Variants in C2orf76 observed in about 807,000 individuals in gnomAD.
The protein encoded by C2orf76 is chromosome 2 open reading frame 76.
A neutral mutation model predicts 16.9 loss-of-function variants in C2orf76; 23 were observed. The observed-to-expected ratio is 1.36, with a 90% CI of 0.98 to 1.93. The LOEUF (loss-of-function observed/expected upper bound fraction) is 1.93. C2orf76 is among the 30% of genes most tolerant of loss of function. The pLI, the probability that C2orf76 is intolerant of heterozygous loss-of-function variation, is 0.00. For missense variants in C2orf76, 152 were observed against 152.6 expected (o/e 1.00, Z 0.02); for synonymous variants, 48 against 52.3 (o/e 0.92, Z 0.35).
chr2:119,353,584 G>A (rs1176463721), intron 1 of C2orf76, among the ~76,000 whole-genome samples: 3 of 133,810 alleles, frequency 2.2e-5, no homozygotes, highest in Admixed American at 8.3e-5. Context: ...TGAGAGTCTC[G>A]CTGGAGTCTT....
chr2:119,316,033 G>A (rs952556939), intron 4 of C2orf76, among the ~76,000 whole-genome samples: 3 of 152,238 alleles, frequency 2.0e-5, no homozygotes, highest in African/African-American at 7.2e-5. Flanking sequence ...AGCAATGAAT[G>A]GAGAATGGGG....
intron 1 of C2orf76, among the ~76,000 whole-genome samples, chr2:119,357,296 A>G (rs528893692): frequency 6.6e-6 from 1 of 152,320 alleles, no homozygotes; most frequent in South Asian, 2.1e-4. Context: ...GAATATAGAC[A>G]TGAAAATCCT....
intron 1 of C2orf76, among the ~76,000 whole-genome samples, chr2:119,363,934 T>C (rs57415372): frequency 0.29 from 43,865 of 151,672 alleles, 6,474 homozygotes; most frequent in African/African-American, 0.33. Flanking sequence ...GGGAGAATCA[T>C]CTGAGCCCAG....
intron 2 of C2orf76, among the ~76,000 whole-genome samples, chr2:119,323,471 G>A (rs148066445): frequency 1.1e-3 from 167 of 152,220 alleles, no homozygotes; most frequent in African/African-American, 3.9e-3. Flanking sequence ...TCATGACAGC[G>A]TGTGCTCCAG....
chr2:119,364,787 A>G (rs1680870748), intron 1 of C2orf76, among the ~76,000 whole-genome samples: 1 of 152,182 alleles, frequency 6.6e-6, no homozygotes, highest in African/African-American at 2.4e-5. Context: ...GAAAAGCAAT[A>G]TTCAATCAAG....
chr2:119,360,477 CAAAAA>C (rs770401400), intron 1 of C2orf76, among the ~76,000 whole-genome samples: 1 of 66,898 alleles, frequency 1.5e-5, no homozygotes, highest in Admixed American at 1.8e-4. Context: ...AACTCTGTCT[CAAAAA>C]AAAAAAAAAA....
intron 5 of C2orf76, among the ~76,000 whole-genome samples, chr2:119,309,267 C>G (rs1678899233): frequency 6.6e-6 from 1 of 151,956 alleles, no homozygotes; most frequent in South Asian, 2.1e-4. Flanking sequence ...AGTACTCATT[C>G]TCTCCTAATA....
intron 5 of C2orf76, among the ~76,000 whole-genome samples, chr2:119,307,569 G>C (rs780205380): frequency 2.6e-5 from 4 of 151,972 alleles, no homozygotes; most frequent in African/African-American, 9.7e-5. Context: ...CAAGAGCATA[G>C]CAACACCACT....
At chr2:119,286,010 G>A in the C2orf76 span, among the ~76,000 whole-genome samples, 14 of 152,094 alleles carry the variant, frequency 9.2e-5, no homozygotes, top group East Asian at 1.4e-3. Flanking sequence ...GGCGGATCAC[G>A]AGGTCAAGAG....
chr2:119,358,147 A>C (rs1680629228), intron 1 of C2orf76, among the ~76,000 whole-genome samples: 1 of 152,214 alleles, frequency 6.6e-6, no homozygotes, highest in South Asian at 2.1e-4. Context: ...AAAAGTTAGA[A>C]ATGATTAAGC....
the C2orf76 span, among the ~76,000 whole-genome samples, chr2:119,287,326 C>T: frequency 6.6e-6 from 1 of 152,206 alleles, no homozygotes; most frequent in South Asian, 2.1e-4. Context: ...ATGCAATATC[C>T]ACATAATGGA....
At chr2:119,308,239 T>A (rs1210283549) in intron 5 of C2orf76, among the ~76,000 whole-genome samples, 4 of 152,236 alleles carry the variant, frequency 2.6e-5, no homozygotes, top group Non-Finnish European at 4.4e-5. Flanking sequence ...GAATATCAAT[T>A]ACTGGCAATG....
At chr2:119,291,514 G>A in the C2orf76 span, among the ~76,000 whole-genome samples, 1 of 151,968 alleles carries the variant, frequency 6.6e-6, no homozygotes, top group Admixed American at 6.6e-5. Flanking sequence ...GGAAACATGT[G>A]ACAGGTAATG....
chr2:119,308,336 T>C (rs1304672663), intron 5 of C2orf76, among the ~76,000 whole-genome samples: 2 of 152,226 alleles, frequency 1.3e-5, no homozygotes, highest in Non-Finnish European at 2.9e-5. Context: ...ATGTATACTT[T>C]AAACATTTTA....
At chr2:119,292,406 G>C in the C2orf76 span, among the ~76,000 whole-genome samples, 1 of 152,148 alleles carries the variant, frequency 6.6e-6, no homozygotes, top group Non-Finnish European at 1.5e-5. Context: ...AGGAGGCTCA[G>C]GACCGCCTCC....
the C2orf76 span, among the ~76,000 whole-genome samples, chr2:119,291,281 A>G: frequency 6.6e-6 from 1 of 151,924 alleles, no homozygotes; most frequent in Admixed American, 6.6e-5. Context: ...TGCCTTTGCA[A>G]GATTTTTCTT....
chr2:119,341,219 G>A (rs1680019717), intron 1 of C2orf76, among the ~76,000 whole-genome samples: 2 of 152,046 alleles, frequency 1.3e-5, no homozygotes, highest in South Asian at 4.1e-4. Context: ...CTGTCACCCA[G>A]GCTGGTCTCC....
At chr2:119,350,584 CA>C (rs1680368199) in intron 1 of C2orf76, among the ~76,000 whole-genome samples, 2 of 152,238 alleles carry the variant, frequency 1.3e-5, no homozygotes, top group African/African-American at 2.4e-5. Flanking sequence ...ACCACTGCAT[CA>C]GAGCAGCCCA....
chr2:119,294,774 C>T, the C2orf76 span, among the ~76,000 whole-genome samples: 1 of 152,164 alleles, frequency 6.6e-6, no homozygotes, highest in Non-Finnish European at 1.5e-5. Flanking sequence ...CGTGGCCAGT[C>T]AGCACTCGCC....
Sources: allele counts gnomAD v4.1 joint callset (sites outside exome capture counted in the v4.1 genomes callset), GRCh38; gene constraint gnomAD v4.1.1; transcripts MANE v1.5; gene names NCBI Gene and HGNC (gene_info 2026-07-23, HGNC 2026-07-21).